COX7B2: variants seen among roughly 807,000 people sequenced by gnomAD.
COX7B2 encodes cytochrome c oxidase subunit 7B2, mitochondrial.
For missense variants in COX7B2, 109 were observed against 95.9 expected, an observed-to-expected ratio of 1.14 and a Z score of -0.57; for synonymous variants, 37 against 32.1, an observed-to-expected ratio of 1.15 and a Z score of -0.51.
intron 2 of COX7B2, among the ~76,000 whole-genome samples, chr4:46,811,375 C>G (rs996650863): frequency 1.3e-5 from 2 of 151,596 alleles, no homozygotes; most frequent in Non-Finnish European, 2.9e-5. Context: ...TGTCAAAAGA[C>G]CTATACTGCA....
intron 2 of COX7B2, among the ~76,000 whole-genome samples, chr4:46,818,574 T>C (rs911965370): frequency 6.6e-6 from 1 of 151,890 alleles, no homozygotes; most frequent in African/African-American, 2.4e-5. Context: ...GAGGCGGAGT[T>C]TGCAGTGAGT....
At chr4:46,752,368 G>T (rs1423857151) in intron 2 of COX7B2, among the ~76,000 whole-genome samples, 4 of 151,338 alleles carry the variant, frequency 2.6e-5, no homozygotes, top group African/African-American at 4.9e-5. Flanking sequence ...CTGCAAACAG[G>T]GACAATTTGA....
At chr4:46,793,823 A>T (rs1314387667) in intron 2 of COX7B2, among the ~76,000 whole-genome samples, 1 of 152,186 alleles carries the variant, frequency 6.6e-6, no homozygotes, top group Admixed American at 6.5e-5. Flanking sequence ...ATAAATTGGG[A>T]TTGAGATGTG....
intron 2 of COX7B2, among the ~76,000 whole-genome samples, chr4:46,767,449 A>G (rs1716610874): frequency 6.6e-6 from 1 of 152,234 alleles, no homozygotes. Flanking sequence ...GGATCATCCA[A>G]ACATAAAACA....
chr4:46,742,820 G>A (rs114338485), intron 2 of COX7B2, among the ~76,000 whole-genome samples: 1,720 of 152,156 alleles, frequency 0.011, 17 homozygotes, highest in Middle Eastern at 0.037. Flanking sequence ...AGGCACTCTC[G>A]CTCAGATTCT....
intron 2 of COX7B2, among the ~76,000 whole-genome samples, chr4:46,759,631 C>A (rs187960964): frequency 3.3e-5 from 5 of 151,942 alleles, no homozygotes; most frequent in East Asian, 3.9e-4. Flanking sequence ...AAATGCAAAT[C>A]AAAACCACAA....
intron 2 of COX7B2, among the ~76,000 whole-genome samples, chr4:46,771,733 A>T (rs1577686860): frequency 6.6e-6 from 1 of 152,116 alleles, no homozygotes; most frequent in East Asian, 1.9e-4. Context: ...TAATGCAAAT[A>T]TTTCAAAATC....
intron 1 of COX7B2, among the ~76,000 whole-genome samples, chr4:46,853,879 A>G (rs1039465210): frequency 1.3e-5 from 2 of 152,166 alleles, no homozygotes; most frequent in African/African-American, 4.8e-5. Context: ...TGTGGAACTT[A>G]AGTTTACCAC....
At chr4:46,871,909 A>T (rs1038713336) in intron 1 of COX7B2, among the ~76,000 whole-genome samples, 4 of 152,176 alleles carry the variant, frequency 2.6e-5, no homozygotes, top group Middle Eastern at 3.2e-3. Flanking sequence ...AGAAAGCAGT[A>T]TGGTGATTCC....
intron 1 of COX7B2, among the ~76,000 whole-genome samples, chr4:46,868,975 C>T (rs1240568578): frequency 6.6e-6 from 1 of 152,068 alleles, no homozygotes; most frequent in Non-Finnish European, 1.5e-5. Context: ...TCGAGTGTTA[C>T]AGTCTCCCAT....
At chr4:46,769,524 G>A (rs776194498) in intron 2 of COX7B2, among the ~76,000 whole-genome samples, 1 of 152,054 alleles carries the variant, frequency 6.6e-6, no homozygotes, top group African/African-American at 2.4e-5. Context: ...GGACCAGCCT[G>A]GCCAATATGG....
chr4:46,739,662 A>C (rs1029659651), intron 2 of COX7B2, among the ~76,000 whole-genome samples: 1 of 152,098 alleles, frequency 6.6e-6, no homozygotes, highest in South Asian at 2.1e-4. Flanking sequence ...TTGAAATATT[A>C]TTTTGAAATA....
At chr4:46,838,879 G>A (rs1222378996) in intron 2 of COX7B2, among the ~76,000 whole-genome samples, 1 of 151,446 alleles carries the variant, frequency 6.6e-6, no homozygotes, top group Non-Finnish European at 1.5e-5. Flanking sequence ...TACCTTTCCT[G>A]GAACTTTTTT....
At chr4:46,808,613 T>C (rs562201762) in intron 2 of COX7B2, among the ~76,000 whole-genome samples, 1 of 152,038 alleles carries the variant, frequency 6.6e-6, no homozygotes, top group African/African-American at 2.4e-5. Context: ...ACTTGCCTTG[T>C]ACCAAATCTC....
intron 2 of COX7B2, among the ~76,000 whole-genome samples, chr4:46,765,022 A>G (rs930307564): frequency 5.3e-5 from 8 of 152,024 alleles, no homozygotes; most frequent in African/African-American, 1.9e-4. Flanking sequence ...AATTCAAAAC[A>G]AATAAAATGC....
intron 2 of COX7B2, among the ~76,000 whole-genome samples, chr4:46,832,741 G>A (rs1231222342): frequency 6.6e-6 from 1 of 152,062 alleles, no homozygotes; most frequent in Non-Finnish European, 1.5e-5. Flanking sequence ...AGATATGGTT[G>A]TTCAAAAGAA....
At chr4:46,788,979 C>T (rs1263690030) in intron 2 of COX7B2, among the ~76,000 whole-genome samples, 1 of 152,142 alleles carries the variant, frequency 6.6e-6, no homozygotes, top group Non-Finnish European at 1.5e-5. Flanking sequence ...AAAATATCTG[C>T]TTGTTCCATT....
In COX7B2 at chr4:46,892,154, G is replaced by T. The variant is rs554464435; in HGVS notation, c.-105+17006C>A. ...GATTCCCTCTTGCTAGCTACAATAGGCTGTGAGTCTTCATGACTGTGATAT... is the reference window on the plus strand; with the variant it reads ...GATTCCCTCTTGCTAGCTACAATAGTCTGTGAGTCTTCATGACTGTGATAT... On this transcript the variant is annotated intron_variant, in intron 1 of 2. Coordinates refer to ENST00000355591, the MANE Select transcript of COX7B2 (RefSeq NM_130902.3). 2.0e-5 allele frequency among the ~76,000 whole-genome samples: 3 copies of T among 152,210 alleles called. No homozygotes were observed. In the South Asian group the frequency reaches 6.2e-4, roughly 32 times the overall value.
At chr4:46,759,758 GTTATATAAGTTATATGTCTTATC>G (rs1447707981) in intron 2 of COX7B2, among the ~76,000 whole-genome samples, 3 of 151,014 alleles carry the variant, frequency 2.0e-5, no homozygotes, top group East Asian at 1.9e-4. Context: ...TAGGAAAAGT[GTTATATAAGTTATATGTCTTATC>G]TTATATAAGT....
Sources: gnomAD v4.1 joint callset for allele counts (sites outside exome capture counted in the v4.1 genomes callset) on GRCh38, gnomAD v4.1.1 for gene constraint, MANE v1.5 for transcripts, NCBI Gene and HGNC (gene_info 2026-07-23, HGNC 2026-07-21) for gene names.